Variants in CADM2 observed in about 807,000 individuals in gnomAD.
The protein encoded by CADM2 is cell adhesion molecule 2, also known as immunoglobulin superfamily member 4D.
Under a neutral mutation model 49.8 loss-of-function variants are expected in CADM2, and 12 were observed. That is an observed-to-expected ratio of 0.24 (90% CI 0.15 to 0.39). The LOEUF is 0.39. Among genes scored for constraint, CADM2 ranks in the 10% least tolerant of loss-of-function variants. The probability of loss-of-function intolerance (pLI) is 1.00; values close to 1 mark genes in which losing one functional copy is unlikely to be tolerated. For synonymous variants in CADM2, 214 were observed against 175.4 expected (o/e 1.22, Z -1.74); for missense variants, 378 against 492.3 (o/e 0.77, Z 2.20).
intron 1 of CADM2, among the ~76,000 whole-genome samples, chr3:85,282,348 A>C (rs1576275091): frequency 7.8e-6 from 1 of 127,972 alleles, no homozygotes; most frequent in Non-Finnish European, 1.6e-5. Flanking sequence ...GGCAACCTCC[A>C]CCTCTCTGGG....
chr3:85,384,722 TA>T (rs761214584), intron 1 of CADM2, among the ~76,000 whole-genome samples: 77 of 151,964 alleles, frequency 5.1e-4, no homozygotes, highest in Non-Finnish European at 7.7e-4. Context: ...TATATATATA[TA>T]ACAATTATAT....
At chr3:85,998,436 A>G (rs1168354793) in intron 8 of CADM2, among the ~76,000 whole-genome samples, 1 of 152,150 alleles carries the variant, frequency 6.6e-6, no homozygotes, top group African/African-American at 2.4e-5. Flanking sequence ...CACAAAGAGG[A>G]ATTGGATATG....
At chr3:85,429,230 T>G (rs911657294) in intron 1 of CADM2, among the ~76,000 whole-genome samples, 3 of 152,116 alleles carry the variant, frequency 2.0e-5, no homozygotes, top group Non-Finnish European at 4.4e-5. Flanking sequence ...AATCTGTACG[T>G]GTTTAGTTTC....
intron 1 of CADM2, among the ~76,000 whole-genome samples, chr3:85,347,610 AAT>A (rs2030855094): frequency 1.1e-5 from 1 of 90,050 alleles, no homozygotes; most frequent in Non-Finnish European, 2.6e-5. Context: ...TATATATAAA[AAT>A]ATATATACAT....
intron 1 of CADM2, among the ~76,000 whole-genome samples, chr3:85,394,579 C>T (rs760026238): frequency 6.6e-6 from 1 of 152,088 alleles, no homozygotes; most frequent in African/African-American, 2.4e-5. Context: ...AAAAAGCTTT[C>T]AGTTGTGACT....
At chr3:85,090,698 A>T (rs1352920844) in intron 1 of CADM2, among the ~76,000 whole-genome samples, 2 of 152,138 alleles carry the variant, frequency 1.3e-5, no homozygotes, top group African/African-American at 4.8e-5. Flanking sequence ...GTGGCGGGCC[A>T]GTGAGCATTA....
chr3:85,012,348 G>C (rs1459443338), intron 1 of CADM2, among the ~76,000 whole-genome samples: 1 of 148,124 alleles, frequency 6.8e-6, no homozygotes, highest in Non-Finnish European at 1.5e-5. Flanking sequence ...CACTTAAAAT[G>C]CTGTGTAAAT....
At chr3:85,980,155 T>C (rs1312375192) in intron 8 of CADM2, among the ~76,000 whole-genome samples, 1 of 151,552 alleles carries the variant, frequency 6.6e-6, no homozygotes, top group African/African-American at 2.4e-5. Context: ...TCTTATTTCT[T>C]ATATATGTTT....
intron 8 of CADM2, among the ~76,000 whole-genome samples, chr3:85,999,272 G>GGT (rs1559791890): frequency 1.0e-4 from 15 of 144,918 alleles, no homozygotes; most frequent in South Asian, 8.8e-4. Flanking sequence ...GCCGAGGGTT[G>GGT]GGGGGTGGAT....
chr3:85,121,799 C>G (rs750868497), intron 1 of CADM2, among the ~76,000 whole-genome samples: 3 of 152,166 alleles, frequency 2.0e-5, no homozygotes, highest in Non-Finnish European at 4.4e-5. Flanking sequence ...AAGCCTCCTA[C>G]TCAATCATAT....
intron 1 of CADM2, among the ~76,000 whole-genome samples, chr3:85,046,046 G>C (rs1448909080): frequency 6.6e-6 from 1 of 152,006 alleles, no homozygotes; most frequent in Non-Finnish European, 1.5e-5. Flanking sequence ...TCTGCATTTT[G>C]ATTGTATGTA....
intron 1 of CADM2, among the ~76,000 whole-genome samples, chr3:85,109,359 AAG>A (rs779032424): frequency 1.3e-5 from 2 of 151,882 alleles, no homozygotes; most frequent in African/African-American, 4.8e-5. Context: ...AACATAGAGA[AAG>A]AGAGACAGTG....
At chr3:85,468,824 G>A (rs541990544) in intron 1 of CADM2, among the ~76,000 whole-genome samples, 4 of 152,248 alleles carry the variant, frequency 2.6e-5, no homozygotes, top group Non-Finnish European at 5.9e-5. Context: ...ATGTGCTAAC[G>A]AGCAGATCAC....
chr3:85,247,172 C>A (rs139781763), intron 1 of CADM2, among the ~76,000 whole-genome samples: 1 of 152,050 alleles, frequency 6.6e-6, no homozygotes, highest in Non-Finnish European at 1.5e-5. Context: ...CTGAAAAGGG[C>A]ATAGTGTAGA....
chr3:85,539,248 A>T (rs2107020101), intron 1 of CADM2, among the ~76,000 whole-genome samples: 1 of 104,922 alleles, frequency 9.5e-6, no homozygotes, highest in East Asian at 7.1e-4. Flanking sequence ...GATCAGTGTG[A>T]ATAAGATTAT....
At chr3:85,064,273 A>G (rs1278648741) in intron 1 of CADM2, among the ~76,000 whole-genome samples, 1 of 152,106 alleles carries the variant, frequency 6.6e-6, no homozygotes, top group Admixed American at 6.6e-5. Flanking sequence ...TAAGGTTTTG[A>G]GATACCCTTT....
At chr3:85,354,423 C>A (rs1374246544) in intron 1 of CADM2, among the ~76,000 whole-genome samples, 2 of 151,034 alleles carry the variant, frequency 1.3e-5, no homozygotes, top group Non-Finnish European at 3.0e-5. Context: ...TTAATGGGTG[C>A]AGCACACCAA....
chr3:85,818,294 T>G (rs781348157), intron 3 of CADM2, among the ~76,000 whole-genome samples: 1 of 152,136 alleles, frequency 6.6e-6, no homozygotes, highest in Non-Finnish European at 1.5e-5. Flanking sequence ...CTGTTACTTT[T>G]CATGTTGAGT....
chr3:85,492,540 C>T (rs1351418904), intron 1 of CADM2, among the ~76,000 whole-genome samples: 1 of 151,666 alleles, frequency 6.6e-6, no homozygotes, highest in African/African-American at 2.4e-5. Context: ...TGCAGCGAGC[C>T]AAGATCCACT....
Sources: gnomAD v4.1 joint callset for allele counts (sites outside exome capture counted in the v4.1 genomes callset) on GRCh38, gnomAD v4.1.1 for gene constraint, MANE v1.5 for transcripts, NCBI Gene and HGNC (gene_info 2026-07-23, HGNC 2026-07-21) for gene names.